The following ITGB8 variants were observed in gnomAD, a reference collection of about 807,000 sequenced individuals.
The protein encoded by ITGB8 is integrin beta-8.
Under a neutral mutation model 89.5 loss-of-function variants are expected in ITGB8, and 30 were observed. The observed-to-expected ratio is 0.34, with a 90% CI of 0.25 to 0.45. The LOEUF is 0.45. ITGB8 is among the 20% of genes least tolerant of loss of function. The pLI is 1.00. For synonymous variants in ITGB8, 335 were observed against 320.4 expected, an observed-to-expected ratio of 1.05 and a Z score of -0.49; for missense variants, 836 against 933.3, an observed-to-expected ratio of 0.90 and a Z score of 1.36.
At chr7:20,363,545 G>C in intron 1 of ITGB8, 92 bp from the exon 2 acceptor site, 1 of 621,662 alleles carries the variant, frequency 1.6e-6, no homozygotes, top group Non-Finnish European at 2.5e-6. Context: ...TTTTTCATTT[G>C]TTTCAATTGT....
rs1352827344 is a variant in ITGB8, at chr7:20,414,503, A to C, written c.*4506A>C. 6.5e-6 allele frequency: 1 copy of C among 152,680 alleles called. No individual in the cohort carries two copies. Among genetic ancestry groups the C allele is most frequent in the East Asian group, 1.9e-4 (1 of 5,196 alleles). 9.5% of individuals were successfully genotyped at this position (152,680 alleles called of 1,614,324 possible). On this transcript the variant is annotated 3_prime_UTR_variant, in exon 14 of 14. Transcript: ENST00000222573. The stretch of plus-strand genomic sequence containing the variant: ...CTCACTTTTAAACAAAATTAACTGG[A>C]AAAATATTACATGGAACTGTCATAG...
chr7:20,381,858 C>T lies in ITGB8; in HGVS notation c.933C>T (p.Asn311=). 1 of 1,613,658 alleles carries T rather than the reference C, an allele frequency of 6.2e-7. No homozygotes were observed. Among genetic ancestry groups the T allele is most frequent in the Non-Finnish European group, 8.5e-7 (1 of 1,179,856 alleles). Residue 311 remains asparagine, a synonymous_variant, in exon 6 of 14, where the codon AAC becomes AAT. Transcript: ENST00000222573. ...VPNDGNCHLK[N]NVYVKSTTME... ...ATGACGGAAACTGTCATCTGAAAAA[C>T]AACGTCTATGTCAAATCGACAACCA...
At chr7:20,378,395 T>G (rs1479473605) in intron 3 of ITGB8, among the ~76,000 whole-genome samples, 1 of 152,182 alleles carries the variant, frequency 6.6e-6, no homozygotes, top group Non-Finnish European at 1.5e-5. Context: ...GTCCTCCATG[T>G]GGCACTGCAG....
chr7:20,351,509 G>A (rs1165632902), intron 1 of ITGB8, among the ~76,000 whole-genome samples: 1 of 152,214 alleles, frequency 6.6e-6, no homozygotes, highest in Non-Finnish European at 1.5e-5. Context: ...CCAACACAGT[G>A]TGATCATGTA....
At chr7:20,360,142 C>A (rs1480009609) in intron 1 of ITGB8, among the ~76,000 whole-genome samples, 2 of 152,074 alleles carry the variant, frequency 1.3e-5, no homozygotes, top group Non-Finnish European at 2.9e-5. Context: ...GGAACTAGAA[C>A]TTTTTAAAGA....
intron 2 of ITGB8, 107 bp from the exon 3 acceptor site, chr7:20,366,889 CATAAGGATTAGAAGAA>C: frequency 1.6e-6 from 1 of 632,892 alleles, no homozygotes; most frequent in Non-Finnish European, 2.6e-6. Flanking sequence ...ATAGTAAAAA[CATAAGGATTAGAAGAA>C]ATTAAAATGA....
chr7:20,354,947 C>G (rs1368838939), intron 1 of ITGB8, among the ~76,000 whole-genome samples: 1 of 152,206 alleles, frequency 6.6e-6, no homozygotes, highest in East Asian at 1.9e-4. Context: ...ACAATACACT[C>G]TAATCATTTA....
chr7:20,385,942 C>G (rs1343599757), intron 6 of ITGB8, among the ~76,000 whole-genome samples: 1 of 152,138 alleles, frequency 6.6e-6, no homozygotes, highest in African/African-American at 2.4e-5. Context: ...TAATTGTGAT[C>G]TTTTAATAAA....
At chr7:20,380,363 T>G (rs1175470138) in intron 4 of ITGB8, 2 of 250,210 alleles carry the variant, frequency 8.0e-6, no homozygotes, top group African/African-American at 4.6e-5. Context: ...ATATTCACCT[T>G]AAAAATTCAC....
intron 5 of ITGB8, 111 bp from the exon 6 acceptor site, chr7:20,381,616 T>C (rs1786398656): frequency 2.6e-6 from 2 of 772,996 alleles, no homozygotes; most frequent in Non-Finnish European, 4.2e-6. Context: ...ACGCACATCG[T>C]TCTAGCCTGA....
chr7:20,383,744 G>T (rs1289276869), intron 6 of ITGB8, among the ~76,000 whole-genome samples: 1 of 152,068 alleles, frequency 6.6e-6, no homozygotes, highest in Non-Finnish European at 1.5e-5. Context: ...AAGTCCAGTG[G>T]AATTTTAGAT....
chr7:20,386,533 C>G (rs1243099540), intron 6 of ITGB8, among the ~76,000 whole-genome samples: 1 of 148,684 alleles, frequency 6.7e-6, no homozygotes, highest in Non-Finnish European at 1.5e-5. Flanking sequence ...GCTGGGATTA[C>G]AGGCGTGAGC....
chr7:20,392,432 C>T (rs1182628457), intron 7 of ITGB8, among the ~76,000 whole-genome samples: 1 of 152,176 alleles, frequency 6.6e-6, no homozygotes, highest in East Asian at 1.9e-4. Context: ...CTGGTGTTCC[C>T]CCTACCAGTT....
intron 6 of ITGB8, among the ~76,000 whole-genome samples, chr7:20,388,448 G>GA (rs1786716404): frequency 6.6e-6 from 1 of 152,272 alleles, no homozygotes; most frequent in East Asian, 1.9e-4. Context: ...AAGGAAAGGG[G>GA]AAGGGGCTTA....
At chr7:20,349,893 G>C (rs12700182) in intron 1 of ITGB8, among the ~76,000 whole-genome samples, 68,125 of 151,940 alleles carry the variant, frequency 0.45, 15,651 homozygotes, top group African/African-American at 0.53. Flanking sequence ...TCAATAAACT[G>C]TATTTATTTA....
intron 3 of ITGB8, among the ~76,000 whole-genome samples, chr7:20,371,188 G>A (rs1487503286): frequency 6.6e-6 from 1 of 152,058 alleles, no homozygotes; most frequent in Non-Finnish European, 1.5e-5. Context: ...ATAAAATTTA[G>A]TGCCCATTTC....
In ITGB8 at chr7:20,401,745, A is replaced by G. The variant is rs767857585; in HGVS notation, c.1306A>G (p.Met436Val). Residue 436 changes from methionine (M) to valine (V), a missense_variant, in exon 10 of 14, where the codon ATG becomes GTG. Physicochemically the swap from Met to Val is conservative, Grantham distance 21. Coordinates refer to ENST00000222573, the MANE Select transcript of ITGB8 (RefSeq NM_002214.3). The part of the protein sequence containing the change: ...DEVLFNVTVT[M>V]KKCDVTGGKN... ...GGTTCTTTTCAATGTAACAGTTACA[A>G]TGAAAAAATGTGATGTCACAGGAGG... 1.0e-5 allele frequency: 16 copies of G among 1,570,162 alleles called. No individual in the cohort carries two copies. Among genetic ancestry groups the G allele is most frequent in the Admixed American group, 6.1e-5 (3 of 49,502 alleles).
rs1787768410 is a variant in ITGB8 at position 20,411,722 on chromosome 7, G to T, written c.*1725G>T. On this transcript the variant is annotated 3_prime_UTR_variant, in exon 14 of 14. Coordinates refer to ENST00000222573, the MANE Select transcript of ITGB8 (RefSeq NM_002214.3). ...AGAAAGGAATAATTCAAACTGAATT[G>T]TCCATAATCAGCTTCCAGTCTTTCA... 1 of 152,548 alleles carries T rather than the reference G, an allele frequency of 6.6e-6. No individual in the cohort carries two copies. Among genetic ancestry groups the T allele is most frequent in the Non-Finnish European group, 1.5e-5 (1 of 68,054 alleles). The allele number at this position is 152,548 out of a possible 1,614,324, so 9.4% of individuals were successfully genotyped here.
intron 3 of ITGB8, among the ~76,000 whole-genome samples, chr7:20,377,731 G>A (rs1372090731): frequency 6.6e-6 from 1 of 152,152 alleles, no homozygotes; most frequent in African/African-American, 2.4e-5. Flanking sequence ...CAAAACCTAG[G>A]AGCATTACAC....
Sources: allele counts gnomAD v4.1 joint callset (sites outside exome capture counted in the v4.1 genomes callset), GRCh38; gene constraint gnomAD v4.1.1; transcripts MANE v1.5; gene names NCBI Gene and HGNC (gene_info 2026-07-23, HGNC 2026-07-21).